The following FAM114A1 variants were observed in gnomAD, a reference collection of about 807,000 sequenced individuals.
FAM114A1 encodes the protein family with sequence similarity 114 member A1, also known as protein NOXP20.
A neutral mutation model predicts 64.3 loss-of-function variants in FAM114A1; 62 were observed. The observed-to-expected ratio is 0.96, with a 90% CI of 0.79 to 1.19. FAM114A1 has a LOEUF of 1.19. Among genes scored for constraint, FAM114A1 ranks in the 50% most tolerant of loss-of-function variants. FAM114A1 has a pLI of 0.00. For synonymous variants in FAM114A1, 254 were observed against 251.1 expected, an observed-to-expected ratio of 1.01 and a Z score of -0.11; for missense variants, 645 against 676.3, an observed-to-expected ratio of 0.95 and a Z score of 0.51.
chr4:38,885,539 A>C (rs1715715175), intron 3 of FAM114A1, among the ~76,000 whole-genome samples: 1 of 152,180 alleles, frequency 6.6e-6, no homozygotes, highest in Non-Finnish European at 1.5e-5. Flanking sequence ...GGCCTCCCAA[A>C]GTGCTGAGAT....
At chr4:38,905,932 A>T in intron 6 of FAM114A1, 71 bp downstream of exon 6, 1 of 1,353,040 alleles carries the variant, frequency 7.4e-7, no homozygotes, top group South Asian at 1.3e-5. Flanking sequence ...TCCATTTACC[A>T]GTGACCTAGA....
In FAM114A1 at chr4:38,935,764, T is replaced by A; in HGVS notation, c.1510T>A (p.Phe504Ile). 5 of 1,612,144 alleles carry A rather than the reference T, an allele frequency of 3.1e-6. No individual in the cohort carries two copies. The highest frequency in any genetic ancestry group is 4.2e-6 in the Non-Finnish European group (5 of 1,178,480). Reference sequence around the variant, plus strand: ...TGAAGTGGCCTCTTTATCAAAGAAGTTTACGAATTCTTTAACCACTGTTGG... The same window carrying A: ...TGAAGTGGCCTCTTTATCAAAGAAGATTACGAATTCTTTAACCACTGTTGG... ...CNEVASLSKK[F>I]TNSLTTVGSN... Residue 504 changes from phenylalanine to isoleucine, a missense_variant, in exon 13 of 15, where the codon TTT becomes ATT. Coordinates refer to ENST00000358869, the MANE Select transcript of FAM114A1 (RefSeq NM_138389.4).
At chr4:38,879,493 G>C (rs889919989) in intron 3 of FAM114A1, among the ~76,000 whole-genome samples, 25 of 152,290 alleles carry the variant, frequency 1.6e-4, no homozygotes, top group African/African-American at 6.0e-4. Context: ...AGACTTTGAT[G>C]CATCCTTCTG....
chr4:38,907,336 A>C (rs1164004322), intron 6 of FAM114A1, among the ~76,000 whole-genome samples: 1 of 152,196 alleles, frequency 6.6e-6, no homozygotes, highest in East Asian at 1.9e-4. Flanking sequence ...CCAAGAGGGC[A>C]CTATGAGTTT....
rs537459472 is a variant in FAM114A1 at position 38,918,422 on chromosome 4, C to T, written c.945+3349C>T. Among the ~76,000 whole-genome samples, 3 of 152,150 alleles carry T rather than the reference C, an allele frequency of 2.0e-5. No individual in the cohort carries two copies. The East Asian group carries it at 5.8e-4, about 29-fold the overall frequency. On this transcript the variant is annotated intron_variant, in intron 8 of 14. Coordinates refer to ENST00000358869, the MANE Select transcript of FAM114A1 (RefSeq NM_138389.4). ...CGTTCCAAGGTACACAGGCCTCCAG[C>T]AAGAAAACAAATGGAGGCTTAGACT...
intron 8 of FAM114A1, among the ~76,000 whole-genome samples, chr4:38,922,191 C>T (rs966025750): frequency 6.6e-6 from 1 of 152,198 alleles, no homozygotes; most frequent in Non-Finnish European, 1.5e-5. Context: ...CCGCCTGCCT[C>T]GGCCTCCCAA....
intron 12 of FAM114A1, among the ~76,000 whole-genome samples, chr4:38,933,104 G>A (rs527738731): frequency 1.9e-4 from 29 of 151,980 alleles, no homozygotes; most frequent in African/African-American, 2.9e-4. Context: ...TGCCTGCCTC[G>A]GCCTCCCAAA....
At chr4:38,874,646 C>A (rs6851820) in intron 2 of FAM114A1, among the ~76,000 whole-genome samples, 36,887 of 152,072 alleles carry the variant, frequency 0.24, 5,016 homozygotes, top group Non-Finnish European at 0.28. Context: ...GTTTCTTTTG[C>A]TGTGTAGAAG....
chr4:38,887,479 T>C (rs1256073341), intron 3 of FAM114A1, among the ~76,000 whole-genome samples: 2 of 152,214 alleles, frequency 1.3e-5, no homozygotes, highest in Non-Finnish European at 2.9e-5. Context: ...TTAATAATTG[T>C]TATAAAGCTA....
At position 38,943,952 on chromosome 4, in the gene FAM114A1, T is replaced by G. The variant is rs1213105098; in HGVS notation, c.*395T>G. ...TTTAAATGTTCCATTCTTATAGTAT[T>G]ACTTTAAATCAATTCTAAAACTGAA... On this transcript the variant is annotated 3_prime_UTR_variant, in exon 15 of 15. Transcript: ENST00000358869. 1 of 160,712 alleles carries G rather than the reference T, an allele frequency of 6.2e-6. No individual in the cohort carries two copies. The highest frequency in any genetic ancestry group is 1.4e-5 in the Non-Finnish European group (1 of 72,418). 10.0% of individuals were successfully genotyped at this position (160,712 alleles called of 1,614,324 possible).
At chr4:38,887,574 A>G (rs781442068) in intron 3 of FAM114A1, among the ~76,000 whole-genome samples, 1 of 152,238 alleles carries the variant, frequency 6.6e-6, no homozygotes, top group Non-Finnish European at 1.5e-5. Flanking sequence ...TCAGAAGTCT[A>G]ATAATTCAAT....
intron 13 of FAM114A1, 75 bp downstream of exon 13, chr4:38,935,865 G>T (rs562711038): frequency 6.7e-6 from 7 of 1,038,690 alleles, no homozygotes; most frequent in Non-Finnish European, 1.0e-5. Context: ...GAGATGCAGC[G>T]CCTTCTTTAG....
chr4:38,920,761 G>A (rs1194911178), intron 8 of FAM114A1, among the ~76,000 whole-genome samples: 1 of 152,218 alleles, frequency 6.6e-6, no homozygotes, highest in Non-Finnish European at 1.5e-5. Context: ...ATACGTTGAT[G>A]CACATCTGGG....
intron 8 of FAM114A1, among the ~76,000 whole-genome samples, chr4:38,917,706 C>T (rs1445798253): frequency 1.3e-5 from 2 of 152,120 alleles, no homozygotes; most frequent in African/African-American, 2.4e-5. Flanking sequence ...ACTTCCATCA[C>T]AGCTCTCAGC....
rs1277247554 is a variant in FAM114A1, at chr4:38,943,646, C to T, written c.*89C>T. On this transcript the variant is annotated 3_prime_UTR_variant, in exon 15 of 15. Coordinates refer to ENST00000358869, the MANE Select transcript of FAM114A1 (RefSeq NM_138389.4). ...AAGGGGATGTTCTCTGTGCGCCTGG[C>T]CACAGACATCCATTTGAGGACACTA... 9.3e-7 allele frequency: 1 copy of T among 1,080,718 alleles called. No individual in the cohort carries two copies. Among genetic ancestry groups the T allele is most frequent in the East Asian group, 2.4e-5 (1 of 41,436 alleles). The allele number at this position is 1,080,718 out of a possible 1,614,324, so 66.9% of individuals were successfully genotyped here.
intron 11 of FAM114A1, among the ~76,000 whole-genome samples, chr4:38,931,952 C>T (rs1301859872): frequency 6.6e-6 from 1 of 152,172 alleles, no homozygotes. Flanking sequence ...TTCAGCCGGC[C>T]TTCCACACAC....
chr4:38,877,028 C>T (rs1030505950), intron 2 of FAM114A1, among the ~76,000 whole-genome samples: 42 of 152,288 alleles, frequency 2.8e-4, no homozygotes, highest in African/African-American at 9.6e-4. Flanking sequence ...TTATCTTACT[C>T]ACATCTGCAA....
At chr4:38,901,060 A>C (rs971261039) in intron 4 of FAM114A1, among the ~76,000 whole-genome samples, 4 of 152,224 alleles carry the variant, frequency 2.6e-5, no homozygotes, top group African/African-American at 4.8e-5. Context: ...GAAAAAGAGA[A>C]AGTTAAAATA....
intron 4 of FAM114A1, among the ~76,000 whole-genome samples, chr4:38,895,518 G>A (rs1263734684): frequency 1.3e-5 from 2 of 152,178 alleles, no homozygotes; most frequent in African/African-American, 2.4e-5. Context: ...ATCATTGCTG[G>A]ATAGAGTAAC....
Sources: allele counts gnomAD v4.1 joint callset (sites outside exome capture counted in the v4.1 genomes callset), GRCh38; gene constraint gnomAD v4.1.1; transcripts MANE v1.5; gene names NCBI Gene and HGNC (gene_info 2026-07-23, HGNC 2026-07-21).